Variants in MBD5 observed in about 807,000 individuals in gnomAD.
The protein encoded by MBD5 is methyl-CpG-binding domain protein 5.
MBD5 carries 13 observed loss-of-function variants against 117.3 expected under a neutral mutation model. The ratio of observed to expected loss-of-function variants is 0.11; its 90% CI spans 0.07 to 0.18. MBD5 has a LOEUF of 0.18. Among genes scored for constraint, MBD5 ranks in the 10% least tolerant of loss-of-function variants. The pLI, the probability that MBD5 is intolerant of heterozygous loss-of-function variation, is 1.00. For synonymous variants in MBD5, 727 were observed against 766.4 expected (o/e 0.95, Z 0.85); for missense variants, 1,879 against 2,093.8 (o/e 0.90, Z 2.00).
At chr2:148,137,536 G>A (rs1171411708) in intron 1 of MBD5, among the ~76,000 whole-genome samples, 1 of 152,198 alleles carries the variant, frequency 6.6e-6, no homozygotes, top group African/African-American at 2.4e-5. Flanking sequence ...TAAGCAGGAA[G>A]ATCGCTTGAG....
chr2:148,486,269 C>T (rs1681337995), intron 10 of MBD5, among the ~76,000 whole-genome samples: 1 of 152,174 alleles, frequency 6.6e-6, no homozygotes, highest in South Asian at 2.1e-4. Flanking sequence ...CCTGTCCACC[C>T]TCTCCAGCCT....
chr2:148,413,923 A>T (rs780496972), intron 4 of MBD5, among the ~76,000 whole-genome samples: 3,667 of 147,152 alleles, frequency 0.025, 72 homozygotes, highest in Non-Finnish European at 0.036. Flanking sequence ...AAAAAAAAAA[A>T]GCCACCTTTG....
At chr2:148,467,309 A>G (rs193273375) in intron 7 of MBD5, among the ~76,000 whole-genome samples, 68 of 152,306 alleles carry the variant, frequency 4.5e-4, no homozygotes, top group African/African-American at 1.6e-3. Flanking sequence ...TAGAATGAAA[A>G]TTCTGTATGA....
chr2:148,060,950 T>C (rs925914864), intron 1 of MBD5, among the ~76,000 whole-genome samples: 1 of 152,158 alleles, frequency 6.6e-6, no homozygotes, highest in African/African-American at 2.4e-5. Flanking sequence ...CTGGTGCTGA[T>C]GCTATTTATC....
chr2:148,105,510 C>T (rs1029071999), intron 1 of MBD5, among the ~76,000 whole-genome samples: 7 of 152,094 alleles, frequency 4.6e-5, no homozygotes, highest in Non-Finnish European at 7.3e-5. Flanking sequence ...TGAGCCACCA[C>T]GCCCGGCAAG....
intron 4 of MBD5, among the ~76,000 whole-genome samples, chr2:148,428,038 A>C (rs1196704250): frequency 1.3e-5 from 2 of 152,188 alleles, no homozygotes; most frequent in African/African-American, 4.8e-5. Flanking sequence ...TTGAATAGGA[A>C]GAGAGGAAGT....
chr2:148,382,415 T>C (rs1704181164), intron 4 of MBD5, among the ~76,000 whole-genome samples: 1 of 152,142 alleles, frequency 6.6e-6, no homozygotes, highest in South Asian at 2.1e-4. Flanking sequence ...CTATGCTAAA[T>C]ATATATGCAC....
intron 4 of MBD5, among the ~76,000 whole-genome samples, chr2:148,398,968 T>C (rs534816621): frequency 0.17 from 25,612 of 152,046 alleles, 2,243 homozygotes; most frequent in Middle Eastern, 0.19. Context: ...GTTGTAGATA[T>C]GTGGCATTAT....
chr2:148,165,204 C>G (rs1260685046), intron 1 of MBD5, among the ~76,000 whole-genome samples: 1 of 152,106 alleles, frequency 6.6e-6, no homozygotes, highest in East Asian at 1.9e-4. Flanking sequence ...ATTTGTTCCT[C>G]TTTTATCTTT....
At chr2:148,135,162 G>T (rs1478858838) in intron 1 of MBD5, among the ~76,000 whole-genome samples, 2 of 152,328 alleles carry the variant, frequency 1.3e-5, no homozygotes, top group African/African-American at 4.8e-5. Context: ...ATATTTGAAA[G>T]ATTTTCTCTT....
chr2:148,452,603 AAG>A (rs1484344812), intron 4 of MBD5, among the ~76,000 whole-genome samples: 1 of 152,174 alleles, frequency 6.6e-6, no homozygotes. Context: ...AGAAAAAAAA[AAG>A]GTCTATTTCA....
Position 148,424,177 on chromosome 2 carries a change from C to CAAA in MBD5, c.-556-33989_-556-33987dup, listed in dbSNP as rs56740583. Among the ~76,000 whole-genome samples, 36 of 53,446 alleles carry CAAA rather than the reference C, an allele frequency of 6.7e-4. 5 individuals are homozygous for CAAA. The highest frequency in any genetic ancestry group is 1.8e-3 in the South Asian group (2 of 1,088). 35.1% of individuals were successfully genotyped at this position (53,446 alleles called of 152,430 possible). ...TGGGCAACAGAGCAAGACTCTGTCT[C>CAAA]AAAAAAAAAAAAAAAAAAAAAAAAA... On this transcript the variant is annotated intron_variant, in intron 4 of 13. Transcript: ENST00000642680.
At chr2:148,040,402 A>G (rs1283122839) in intron 1 of MBD5, among the ~76,000 whole-genome samples, 7 of 152,092 alleles carry the variant, frequency 4.6e-5, no homozygotes, top group African/African-American at 1.7e-4. Flanking sequence ...AAATAATGTC[A>G]TGTTCATTAA....
At chr2:148,237,630 T>C (rs1437567212) in intron 3 of MBD5, among the ~76,000 whole-genome samples, 1 of 152,120 alleles carries the variant, frequency 6.6e-6, no homozygotes, top group Non-Finnish European at 1.5e-5. Flanking sequence ...CCATAACAGA[T>C]ATTATAATGA....
In MBD5 at chr2:148,030,817, C is replaced by T. The variant is rs143344710; in HGVS notation, c.-925+9133C>T. Among the ~76,000 whole-genome samples, 45 of 152,098 alleles carry T rather than the reference C, an allele frequency of 3.0e-4. No individual in the cohort carries two copies. The East Asian group carries it at 8.7e-3, about 29-fold the overall frequency. ...GTCTAAATAGTCACATGAATATATC[C>T]CTAGAATATCTTGAAGAGAATATAG... On this transcript the variant is annotated intron_variant, in intron 1 of 13. Transcript: ENST00000642680.
chr2:148,485,940 A>G lies in MBD5; in HGVS notation c.3743A>G (p.Gln1248Arg), dbSNP rs143028540. The G allele has an allele frequency of 8.3e-4, 1,332 of 1,613,954 alleles. 3 individuals are homozygous for G. Among genetic ancestry groups the G allele is most frequent in the Non-Finnish European group, 1.0e-3 (1,211 of 1,179,810 alleles). Residue 1248 changes from glutamine to arginine, a missense_variant, in exon 10 of 14, where the codon CAG becomes CGG. Coordinates refer to ENST00000642680, the MANE Select transcript of MBD5 (RefSeq NM_001378120.1). ...AATAACCCCATGGCTTGTCTGTTTCAGAACTTTCAGGTACTCTCCTCTGCT... is the reference window on the plus strand; with the variant it reads ...AATAACCCCATGGCTTGTCTGTTTCGGAACTTTCAGGTACTCTCCTCTGCT... ...ANNNPMACLF[Q>R]NFQVRMQEDA...
intron 1 of MBD5, among the ~76,000 whole-genome samples, chr2:148,096,182 T>C (rs1220551485): frequency 6.6e-6 from 1 of 152,148 alleles, no homozygotes; most frequent in Non-Finnish European, 1.5e-5. Flanking sequence ...GTTGCTAAAA[T>C]GACAAAGCTG....
chr2:148,152,305 T>C (rs1261512533), intron 1 of MBD5, among the ~76,000 whole-genome samples: 3 of 152,140 alleles, frequency 2.0e-5, no homozygotes, highest in African/African-American at 7.2e-5. Flanking sequence ...GTCTGAGAGA[T>C]AGTTTGTTAT....
At chr2:148,435,220 G>T (rs1706119577) in intron 4 of MBD5, among the ~76,000 whole-genome samples, 1 of 152,042 alleles carries the variant, frequency 6.6e-6, no homozygotes, top group Non-Finnish European at 1.5e-5. Flanking sequence ...TATCTAGCTT[G>T]CCATTCTGTG....
Sources: allele counts gnomAD v4.1 joint callset (sites outside exome capture counted in the v4.1 genomes callset), GRCh38; gene constraint gnomAD v4.1.1; transcripts MANE v1.5; gene names NCBI Gene and HGNC (gene_info 2026-07-23, HGNC 2026-07-21).